The following EBF1 variants were observed in gnomAD, a reference collection of about 807,000 sequenced individuals.
EBF1 encodes transcription factor COE1.
EBF1 carries 10 observed loss-of-function variants against 68.4 expected under a neutral mutation model. That is an observed-to-expected ratio of 0.15 (90% CI 0.09 to 0.25). The LOEUF (loss-of-function observed/expected upper bound fraction) is 0.25, where lower values mean the gene tolerates loss of function less well. EBF1 is among the 10% of genes least tolerant of loss of function. EBF1 has a pLI of 1.00. For missense variants in EBF1, 509 were observed against 794.4 expected (o/e 0.64, Z 4.32); for synonymous variants, 298 against 299.8 (o/e 0.99, Z 0.06).
intron 15 of EBF1, among the ~76,000 whole-genome samples, chr5:158,700,511 TAAAA>T (rs76186329): frequency 2.1e-4 from 27 of 131,584 alleles, no homozygotes; most frequent in African/African-American, 5.0e-4. Flanking sequence ...AATGTGCCTT[TAAAA>T]AAAAAAAAAA....
chr5:158,984,562 G>A (rs1758609662), intron 6 of EBF1: 1 of 152,124 alleles, frequency 6.6e-6, no homozygotes, highest in African/African-American at 2.4e-5. Flanking sequence ...TTACATCAAT[G>A]AGGGAGTCTC....
intron 6 of EBF1, among the ~76,000 whole-genome samples, chr5:158,938,355 T>C (rs998199833): frequency 3.3e-5 from 5 of 152,158 alleles, no homozygotes; most frequent in African/African-American, 1.2e-4. Flanking sequence ...TCCCCTCCTC[T>C]GCTCCAGCAT....
At position 158,943,502 on chromosome 5, in the gene EBF1, C is replaced by T. The variant is rs537336250; in HGVS notation, c.555-103392G>A. Among the ~76,000 whole-genome samples the T allele has an allele frequency of 5.9e-5, 9 of 152,246 alleles. No individual in the cohort carries two copies. In the South Asian group the frequency reaches 1.5e-3, roughly 25 times the overall value. On this transcript the variant is annotated intron_variant, in intron 6 of 15. Coordinates refer to ENST00000313708, the MANE Select transcript of EBF1 (RefSeq NM_024007.5). Reference sequence around the variant, plus strand: ...AATTCCAGTTGTGATATATATTATACGTGGCATCCATAACTGGATCCAAAT... The same window carrying T: ...AATTCCAGTTGTGATATATATTATATGTGGCATCCATAACTGGATCCAAAT...
chr5:158,782,799 G>T (rs1043467363), intron 9 of EBF1, among the ~76,000 whole-genome samples: 9 of 152,044 alleles, frequency 5.9e-5, no homozygotes, highest in African/African-American at 2.2e-4. Flanking sequence ...ACTCCACTGG[G>T]TATCATAATC....
At position 159,099,316 on chromosome 5, in the gene EBF1, C is replaced by T. The variant is rs374851838; in HGVS notation, c.134+29G>A. 37 of 1,507,176 alleles carry T rather than the reference C, an allele frequency of 2.5e-5. No homozygotes were observed. In the African/African-American group the frequency reaches 5.0e-4, roughly 20 times the overall value. The allele number at this position is 1,507,176 out of a possible 1,614,324, so 93.4% of individuals were successfully genotyped here. A position where few individuals can be genotyped will look rare whatever the true frequency, so the allele number is the denominator to read the frequency against. ...CCCGGCTCTCCCGCTCGCGGCTCAC[C>T]TCGGCCGCGGTCCCCGCGCAGTACC... is the stretch of plus-strand genomic sequence containing the variant. On this transcript the variant is annotated intron_variant, in intron 1 of 15. Transcript: ENST00000313708.
At chr5:158,849,922 C>G (rs536129856) in intron 6 of EBF1, among the ~76,000 whole-genome samples, 1 of 152,296 alleles carries the variant, frequency 6.6e-6, no homozygotes, top group South Asian at 2.1e-4. Context: ...TTTCTATGCT[C>G]TAAGATTTAC....
intron 3 of EBF1, chr5:159,096,114 G>A (rs1782560482): frequency 1.5e-5 from 9 of 585,274 alleles, no homozygotes. Context: ...AGGGAGGGAT[G>A]AGGCACTACA....
chr5:158,819,088 A>T (rs1223167591), intron 8 of EBF1, among the ~76,000 whole-genome samples: 1 of 152,168 alleles, frequency 6.6e-6, no homozygotes, highest in Non-Finnish European at 1.5e-5. Flanking sequence ...AAAAGGGGAG[A>T]AGGGAAAGAA....
rs192878548 is a variant in EBF1 at position 159,043,652 on chromosome 5, T to C, written c.554+29744A>G. On this transcript the variant is annotated intron_variant, in intron 6 of 15. Transcript: ENST00000313708. Reference sequence around the variant, plus strand: ...TTTATTTAAACATCTCAAAGCAAGATAAAAATAAACAGCTGGAAATAGCTT... The same window carrying C: ...TTTATTTAAACATCTCAAAGCAAGACAAAAATAAACAGCTGGAAATAGCTT... 1.8e-3 allele frequency among the ~76,000 whole-genome samples: 277 copies of C among 152,070 alleles called. 1 individual carries two copies. Among genetic ancestry groups the C allele is most frequent in the South Asian group, 1.7e-3 (8 of 4,820 alleles).
chr5:158,923,294 T>G (rs1319710311), intron 6 of EBF1, among the ~76,000 whole-genome samples: 1 of 152,216 alleles, frequency 6.6e-6, no homozygotes, highest in East Asian at 1.9e-4. Flanking sequence ...ATCCCCAACC[T>G]TACTTTATCC....
Position 158,819,255 on chromosome 5 carries a change from G to T in EBF1, c.778+3921C>A, listed in dbSNP as rs184930529. Among the ~76,000 whole-genome samples the T allele has an allele frequency of 2.6e-4, 39 of 152,338 alleles. 1 individual carries two copies. In the East Asian group the frequency reaches 4.0e-3, roughly 16 times the overall value. ...GCATTTGCATAAATGCTGCCTGTGA[G>T]TTCACCATAGCTGCAAGCGCTAATG... On this transcript the variant is annotated intron_variant, in intron 8 of 15. Transcript: ENST00000313708.
intron 1 of EBF1, 43 bp downstream of exon 1, chr5:159,099,302 C>G: frequency 7.0e-7 from 1 of 1,430,046 alleles, no homozygotes; most frequent in Non-Finnish European, 9.2e-7. Flanking sequence ...CCGGCTCTCC[C>G]GCTCGCGGCT....
At chr5:159,078,214 T>C (rs1256493279) in intron 5 of EBF1, among the ~76,000 whole-genome samples, 1 of 152,176 alleles carries the variant, frequency 6.6e-6, no homozygotes, top group Non-Finnish European at 1.5e-5. Context: ...TTCCTGCCCA[T>C]GTGAGTTCTC....
chr5:158,787,044 C>T (rs1777591827), intron 9 of EBF1, among the ~76,000 whole-genome samples: 1 of 152,168 alleles, frequency 6.6e-6, no homozygotes, highest in South Asian at 2.1e-4. Context: ...AGTAATTCCT[C>T]ACTTAACGTG....
intron 8 of EBF1, among the ~76,000 whole-genome samples, chr5:158,822,081 G>T (rs1784955105): frequency 6.6e-6 from 1 of 152,130 alleles, no homozygotes; most frequent in African/African-American, 2.4e-5. Context: ...CTGGCCCATG[G>T]AAAAAAGCAG....
At chr5:159,095,568 C>A in intron 4 of EBF1, 52 bp downstream of exon 4, 2 of 1,604,518 alleles carry the variant, frequency 1.2e-6, no homozygotes, top group Non-Finnish European at 1.7e-6. Context: ...TTCTTGACTG[C>A]CCTGAATTTT....
intron 10 of EBF1, among the ~76,000 whole-genome samples, chr5:158,761,220 C>T (rs185859959): frequency 4.6e-5 from 7 of 152,320 alleles, no homozygotes; most frequent in African/African-American, 1.7e-4. Flanking sequence ...TAACTCTATG[C>T]ACCTTGGAGA....
chr5:158,953,312 C>T lies in EBF1; in HGVS notation c.555-113202G>A, dbSNP rs924806864. On this transcript the variant is annotated intron_variant, in intron 6 of 15. Transcript: ENST00000313708. ...ATTGCTCCTTTCTTCTTCATATTAACTTTAACACATTTTATTTACCATTAT... is the reference window on the plus strand; with the variant it reads ...ATTGCTCCTTTCTTCTTCATATTAATTTTAACACATTTTATTTACCATTAT... 2.0e-5 allele frequency among the ~76,000 whole-genome samples: 3 copies of T among 152,316 alleles called. No individual in the cohort carries two copies. In the East Asian group the frequency reaches 5.8e-4, roughly 29 times the overall value.
At chr5:158,739,995 G>A (rs1042449391) in intron 10 of EBF1, among the ~76,000 whole-genome samples, 2 of 152,140 alleles carry the variant, frequency 1.3e-5, no homozygotes, top group South Asian at 2.1e-4. Context: ...TTCTGAGCAC[G>A]CATTTTTCCT....
Sources: allele counts gnomAD v4.1 joint callset (sites outside exome capture counted in the v4.1 genomes callset), GRCh38; gene constraint gnomAD v4.1.1; transcripts MANE v1.5; gene names NCBI Gene and HGNC (gene_info 2026-07-23, HGNC 2026-07-21).